The following SMYD3 variants were observed in gnomAD, a reference collection of about 807,000 sequenced individuals.
SMYD3 encodes SET and MYND domain containing 3.
SMYD3 carries 36 observed loss-of-function variants against 57.7 expected under a neutral mutation model. The observed-to-expected ratio is 0.62, with a 90% CI of 0.48 to 0.82. The LOEUF is 0.82. Ranked by LOEUF, SMYD3 falls within the 40% of genes least tolerant of loss-of-function variation. The pLI, the probability that SMYD3 is intolerant of heterozygous loss-of-function variation, is 0.00. For synonymous variants in SMYD3, 211 were observed against 195.0 expected, an observed-to-expected ratio of 1.08 and a Z score of -0.68; for missense variants, 515 against 538.8, an observed-to-expected ratio of 0.96 and a Z score of 0.44.
chr1:246,467,794 C>T (rs1002092980), intron 1 of SMYD3, among the ~76,000 whole-genome samples: 21 of 151,822 alleles, frequency 1.4e-4, no homozygotes, highest in African/African-American at 5.1e-4. Flanking sequence ...CAAAACCAGA[C>T]AGACACAATA....
intron 5 of SMYD3, among the ~76,000 whole-genome samples, chr1:246,224,905 C>A: frequency 6.6e-6 from 1 of 151,866 alleles, no homozygotes; most frequent in South Asian, 2.1e-4. Flanking sequence ...AGGAAGGTGG[C>A]AGAGGGAGCC....
At chr1:246,469,642 T>G (rs1208111601) in intron 1 of SMYD3, among the ~76,000 whole-genome samples, 2 of 152,052 alleles carry the variant, frequency 1.3e-5, no homozygotes, top group South Asian at 2.1e-4. Flanking sequence ...ATACTAATAA[T>G]AAATAGATAC....
chr1:246,310,587 G>A (rs1315851852), intron 5 of SMYD3, among the ~76,000 whole-genome samples: 1 of 150,618 alleles, frequency 6.6e-6, no homozygotes, highest in Non-Finnish European at 1.5e-5. Flanking sequence ...AGGCAGAGCT[G>A]AAGAAACTGT....
intron 5 of SMYD3, among the ~76,000 whole-genome samples, chr1:245,933,054 C>T (rs946728633): frequency 2.0e-5 from 3 of 151,826 alleles, no homozygotes; most frequent in Non-Finnish European, 4.4e-5. Flanking sequence ...AGCTCTCTGG[C>T]TTTTTTTTAG....
chr1:245,762,330 C>T lies in SMYD3; in HGVS notation c.1185+1711G>A, dbSNP rs79470371. 2.5e-3 allele frequency among the ~76,000 whole-genome samples: 385 copies of T among 152,232 alleles called. 4 individuals are homozygous for T. The highest frequency in any genetic ancestry group is 8.7e-3 in the African/African-American group (362 of 41,542). On this transcript the variant is annotated intron_variant, in intron 11 of 11. Coordinates refer to ENST00000490107, the MANE Select transcript of SMYD3 (RefSeq NM_001167740.2). ...CGAGCAGTATTCATAGTTTCTAGTCCCATATAAACACAAAGGTCTAGTCTG... is the reference window on the plus strand; with the variant it reads ...CGAGCAGTATTCATAGTTTCTAGTCTCATATAAACACAAAGGTCTAGTCTG...
chr1:245,817,776 C>G (rs1462686224), intron 10 of SMYD3, among the ~76,000 whole-genome samples: 1 of 152,020 alleles, frequency 6.6e-6, no homozygotes, highest in African/African-American at 2.4e-5. Flanking sequence ...CCGATGTGAT[C>G]AACTGGAAGA....
chr1:246,418,620 A>T (rs1048615096), intron 1 of SMYD3, among the ~76,000 whole-genome samples: 2 of 152,162 alleles, frequency 1.3e-5, no homozygotes, highest in African/African-American at 4.8e-5. Context: ...GTAGGCTTGG[A>T]GAATAAGTGC....
Position 246,465,925 on chromosome 1 carries a change from C to T in SMYD3, c.164+41129G>A, listed in dbSNP as rs142665673. 2.9e-3 allele frequency among the ~76,000 whole-genome samples: 440 copies of T among 152,274 alleles called. 1 individual carries two copies. Among genetic ancestry groups the T allele is most frequent in the African/African-American group, 9.8e-3 (406 of 41,552 alleles). The stretch of plus-strand genomic sequence containing the variant: ...TAGCTGGGATTACAGGCAAGCACCA[C>T]AACACCTGGCTAATTTTTGTATTTT... On this transcript the variant is annotated intron_variant, in intron 1 of 11. Transcript: ENST00000490107.
chr1:246,218,511 C>T (rs1379544535), intron 5 of SMYD3, among the ~76,000 whole-genome samples: 13 of 152,034 alleles, frequency 8.6e-5, no homozygotes, highest in Admixed American at 8.5e-4. Flanking sequence ...GTCCCAGCTA[C>T]TCTGGAGGCT....
intron 1 of SMYD3, among the ~76,000 whole-genome samples, chr1:246,406,271 T>TA (rs374057972): frequency 5.7e-4 from 87 of 152,248 alleles, no homozygotes; most frequent in African/African-American, 2.0e-3. Context: ...GTTTAAAAAT[T>TA]AAATGACACA....
At chr1:245,956,511 T>C (rs1320402896) in intron 5 of SMYD3, among the ~76,000 whole-genome samples, 4 of 152,204 alleles carry the variant, frequency 2.6e-5, no homozygotes, top group African/African-American at 9.6e-5. Flanking sequence ...GGCAGAGCAT[T>C]ATTTTTTATG....
intron 5 of SMYD3, among the ~76,000 whole-genome samples, chr1:246,273,445 C>T (rs183072681): frequency 8.5e-5 from 13 of 152,062 alleles, no homozygotes; most frequent in East Asian, 1.9e-4. Context: ...CCACCACGCC[C>T]GGCCCAGTAA....
At chr1:246,340,757 T>C (rs2065620455) in intron 2 of SMYD3, among the ~76,000 whole-genome samples, 1 of 152,094 alleles carries the variant, frequency 6.6e-6, no homozygotes, top group Non-Finnish European at 1.5e-5. Context: ...AGAAATAAAT[T>C]TAAGAATGTT....
chr1:246,207,611 C>A (rs956100365), intron 5 of SMYD3, among the ~76,000 whole-genome samples: 2 of 151,742 alleles, frequency 1.3e-5, no homozygotes, highest in African/African-American at 4.8e-5. Flanking sequence ...CAGTAAAAGA[C>A]AAAAGGACAT....
At chr1:245,908,944 G>T (rs572015240) in intron 8 of SMYD3, among the ~76,000 whole-genome samples, 22 of 152,134 alleles carry the variant, frequency 1.4e-4, no homozygotes, top group South Asian at 4.2e-4. Flanking sequence ...AAAATTAGTA[G>T]AAGGTAAGAA....
intron 11 of SMYD3, among the ~76,000 whole-genome samples, chr1:245,757,845 A>C (rs2148027679): frequency 6.6e-6 from 1 of 152,260 alleles, no homozygotes; most frequent in East Asian, 1.9e-4. Flanking sequence ...AAATTTTAAA[A>C]TCAAGAACTG....
intron 5 of SMYD3, among the ~76,000 whole-genome samples, chr1:246,285,712 C>T (rs1057181992): frequency 6.6e-6 from 1 of 152,158 alleles, no homozygotes; most frequent in Admixed American, 6.5e-5. Context: ...AGACAACCCA[C>T]AGAATGGGAG....
At chr1:246,457,704 A>G (rs548857924) in intron 1 of SMYD3, among the ~76,000 whole-genome samples, 1 of 152,156 alleles carries the variant, frequency 6.6e-6, no homozygotes, top group African/African-American at 2.4e-5. Context: ...AATATTCTCC[A>G]TCTGTTCACA....
intron 5 of SMYD3, chr1:246,113,920 G>C (rs1315873806): frequency 6.6e-6 from 1 of 152,168 alleles, no homozygotes; most frequent in Non-Finnish European, 1.5e-5. Context: ...GTCACCCTCA[G>C]TAGGCCTAAG....
Sources: gnomAD v4.1 joint callset for allele counts (sites outside exome capture counted in the v4.1 genomes callset) on GRCh38, gnomAD v4.1.1 for gene constraint, MANE v1.5 for transcripts, NCBI Gene and HGNC (gene_info 2026-07-23, HGNC 2026-07-21) for gene names.